CSMD3: variants seen among roughly 807,000 people sequenced by gnomAD.
CSMD3 encodes CUB and sushi domain-containing protein 3.
CSMD3 carries 177 observed loss-of-function variants against 435.2 expected under a neutral mutation model. The ratio of observed to expected loss-of-function variants is 0.41; its 90% confidence interval spans 0.36 to 0.46. CSMD3 has a LOEUF of 0.46. Ranked by LOEUF, CSMD3 falls within the 20% of genes least tolerant of loss-of-function variation. The probability of loss-of-function intolerance (pLI) is 0.34; values close to 1 mark genes in which losing one functional copy is unlikely to be tolerated. For missense variants in CSMD3, 4,265 were observed against 4,504.6 expected (o/e 0.95, Z 1.52); for synonymous variants, 1,656 against 1,520.5 (o/e 1.09, Z -2.07).
rs371597003 is a variant in CSMD3 at position 112,792,531 on chromosome 8, AG to A, written c.1972+7630del. Among the ~76,000 whole-genome samples, 55 of 152,274 alleles carry A rather than the reference AG, an allele frequency of 3.6e-4. 2 individuals carry two copies. The South Asian group carries it at 0.011, about 30-fold the overall frequency. ...CTAGACACCATCATATATGGGGGTTAGAGGTTCAACATATAAATTTGGGAGG... is the reference window on the plus strand; with the variant it reads ...CTAGACACCATCATATATGGGGGTTAAGGTTCAACATATAAATTTGGGAGG... On this transcript the variant is annotated intron_variant, in intron 13 of 70. Coordinates refer to ENST00000297405, the MANE Select transcript of CSMD3 (RefSeq NM_198123.2).
chr8:112,304,735 C>T lies in CSMD3; in HGVS notation c.8252G>A (p.Arg2751Lys), dbSNP rs2130776682. ...TGTATACTTACTTTGGCAATATGGT[C>T]TTTCATTTCTCCAACTCCAAGTACC... ...PNGTWSWRNE[R>K]PYCQIISCGE... The change falls in exon 52 of 71, where the codon AGA (arginine) becomes AAA (lysine). Residue 2751 changes from arginine to lysine, a missense_variant. Coordinates refer to ENST00000297405, the MANE Select transcript of CSMD3 (RefSeq NM_198123.2). The T allele has an allele frequency of 6.2e-7, 1 of 1,613,076 alleles. No homozygotes were observed. The highest frequency in any genetic ancestry group is 2.2e-5 in the East Asian group (1 of 44,842).
chr8:112,295,228 A>T (rs1820150111), intron 54 of CSMD3, among the ~76,000 whole-genome samples: 1 of 152,172 alleles, frequency 6.6e-6, no homozygotes, highest in Admixed American at 6.6e-5. Context: ...AATGATAAAC[A>T]TCTTCAACCA....
At chr8:112,302,338 G>T (rs537774203) in intron 52 of CSMD3, among the ~76,000 whole-genome samples, 110 of 151,534 alleles carry the variant, frequency 7.3e-4, no homozygotes, top group African/African-American at 2.6e-3. Context: ...GTAACTTTGG[G>T]CAAGCCCTTT....
chr8:113,040,094 A>C lies in CSMD3; in HGVS notation c.918-20915T>G, dbSNP rs183265299. On this transcript the variant is annotated intron_variant, in intron 5 of 70. Coordinates refer to ENST00000297405, the MANE Select transcript of CSMD3 (RefSeq NM_198123.2). Reference sequence around the variant, plus strand: ...GGGTGGTACAGAGAGATATATGGTTAGAGGTCTGAGAAAGACCTGTCTGAT... The same window carrying C: ...GGGTGGTACAGAGAGATATATGGTTCGAGGTCTGAGAAAGACCTGTCTGAT... 5.9e-3 allele frequency among the ~76,000 whole-genome samples: 902 copies of C among 152,320 alleles called. 4 individuals carry two copies. The highest frequency in any genetic ancestry group is 0.019 in the African/African-American group (800 of 41,568).
intron 1 of CSMD3, among the ~76,000 whole-genome samples, chr8:113,370,174 A>G (rs2094338250): frequency 6.6e-6 from 1 of 151,308 alleles, no homozygotes; most frequent in Non-Finnish European, 1.5e-5. Context: ...ATAAATACAT[A>G]TAATTTCATA....
chr8:113,116,711 G>C (rs1007897999), intron 4 of CSMD3, among the ~76,000 whole-genome samples: 2 of 152,190 alleles, frequency 1.3e-5, no homozygotes, highest in Non-Finnish European at 2.9e-5. Context: ...AAAACAGGAA[G>C]ATGTTGGAAA....
intron 1 of CSMD3, among the ~76,000 whole-genome samples, chr8:113,372,953 A>G (rs2133060526): frequency 6.6e-6 from 1 of 151,748 alleles, no homozygotes; most frequent in Middle Eastern, 3.4e-3. Context: ...AAAAAAAAAA[A>G]AAGAAAGAAA....
rs149181823 is a variant in CSMD3 at position 112,724,585 on chromosome 8, C to T, written c.1973-34535G>A. Among the ~76,000 whole-genome samples the T allele has an allele frequency of 3.3e-3, 508 of 152,016 alleles. 1 individual carries two copies. The highest frequency in any genetic ancestry group is 4.0e-3 in the Non-Finnish European group (273 of 67,930). On this transcript the variant is annotated intron_variant, in intron 13 of 70. Transcript: ENST00000297405. The stretch of plus-strand genomic sequence containing the variant: ...TAAAAAATCAATTAAGTTAAGTATT[C>T]GCATACATAACTTGGGGAATTAGGT...
chr8:112,677,177 T>C (rs574388067), intron 16 of CSMD3, among the ~76,000 whole-genome samples: 5 of 151,810 alleles, frequency 3.3e-5, no homozygotes, highest in Non-Finnish European at 7.4e-5. Context: ...ACTGAATTCA[T>C]GTGAACAAAG....
At chr8:112,327,614 T>C (rs966015979) in intron 45 of CSMD3, among the ~76,000 whole-genome samples, 1 of 152,180 alleles carries the variant, frequency 6.6e-6, no homozygotes, top group Non-Finnish European at 1.5e-5. Flanking sequence ...AAATACACAT[T>C]GGAACTAAGT....
intron 27 of CSMD3, among the ~76,000 whole-genome samples, chr8:112,520,599 C>T (rs1824181274): frequency 6.6e-6 from 1 of 151,860 alleles, no homozygotes; most frequent in Admixed American, 6.6e-5. Flanking sequence ...CCATTTATTA[C>T]ACATAAAAAT....
chr8:112,922,015 G>A (rs2082758642), intron 9 of CSMD3, among the ~76,000 whole-genome samples: 1 of 151,960 alleles, frequency 6.6e-6, no homozygotes, highest in Admixed American at 6.6e-5. Flanking sequence ...TCAAAATGTG[G>A]CTATTCTGAC....
intron 22 of CSMD3, among the ~76,000 whole-genome samples, chr8:112,592,454 A>T (rs1831274348): frequency 6.6e-6 from 1 of 152,006 alleles, no homozygotes; most frequent in Admixed American, 6.6e-5. Context: ...GAGTTTAAAC[A>T]TTTTTTGAAG....
chr8:112,339,010 G>A (rs979301686), intron 42 of CSMD3, among the ~76,000 whole-genome samples: 2 of 151,898 alleles, frequency 1.3e-5, no homozygotes, highest in Non-Finnish European at 2.9e-5. Context: ...TGGAGGCAGG[G>A]AACCTAAGGC....
intron 7 of CSMD3, among the ~76,000 whole-genome samples, chr8:112,971,245 T>G (rs921023734): frequency 6.6e-6 from 1 of 152,220 alleles, no homozygotes; most frequent in African/African-American, 2.4e-5. Context: ...TCCAGTACAA[T>G]GTCATGCACA....
chr8:113,423,673 C>CATATA (rs2094620435), intron 1 of CSMD3, among the ~76,000 whole-genome samples: 1 of 151,802 alleles, frequency 6.6e-6, no homozygotes, highest in Admixed American at 6.6e-5. Context: ...ACCAAATCAG[C>CATATA]ATGTAATGCA....
At chr8:113,423,500 G>C (rs2094619427) in intron 1 of CSMD3, among the ~76,000 whole-genome samples, 1 of 151,948 alleles carries the variant, frequency 6.6e-6, no homozygotes, top group Admixed American at 6.6e-5. Context: ...ATTTAAGGAG[G>C]AAAAACAAAG....
intron 24 of CSMD3, among the ~76,000 whole-genome samples, chr8:112,572,074 C>G (rs578009617): frequency 1.3e-5 from 2 of 151,716 alleles, no homozygotes; most frequent in East Asian, 1.9e-4. Context: ...GCAGATCACA[C>G]CAATTATATT....
intron 1 of CSMD3, among the ~76,000 whole-genome samples, chr8:113,424,312 C>G (rs2094623739): frequency 6.6e-6 from 1 of 151,594 alleles, no homozygotes; most frequent in African/African-American, 2.4e-5. Context: ...TGACTCTTAA[C>G]CTCACAGATT....
Sources: gnomAD v4.1 joint callset for allele counts (sites outside exome capture counted in the v4.1 genomes callset) on GRCh38, gnomAD v4.1.1 for gene constraint, MANE v1.5 for transcripts, NCBI Gene and HGNC (gene_info 2026-07-23, HGNC 2026-07-21) for gene names.